KLHL41: variants seen among roughly 807,000 people sequenced by gnomAD.
The protein encoded by KLHL41 is kelch like family member 41, also known as kelch-like protein 41.
KLHL41 carries 31 observed loss-of-function variants against 49.2 expected under a neutral mutation model. That is an observed-to-expected ratio of 0.63 (90% CI 0.47 to 0.85). The LOEUF (loss-of-function observed/expected upper bound fraction) is 0.85, where lower values mean the gene tolerates loss of function less well. Among genes scored for constraint, KLHL41 ranks in the 40% least tolerant of loss-of-function variants. KLHL41 has a pLI of 0.00. For missense variants in KLHL41, 663 were observed against 726.7 expected, an observed-to-expected ratio of 0.91 and a Z score of 1.01; for synonymous variants, 218 against 258.5, an observed-to-expected ratio of 0.84 and a Z score of 1.50.
At position 169,520,152 on chromosome 2, in the gene KLHL41, C is replaced by CTGTGTGTGTG. The variant is rs59155387; in HGVS notation, c.1563-661_1563-652dup. Among the ~76,000 whole-genome samples, 32 of 105,034 alleles carry CTGTGTGTGTG rather than the reference C, an allele frequency of 3.0e-4. 1 individual carries two copies. Among genetic ancestry groups the CTGTGTGTGTG allele is most frequent in the African/African-American group, 8.3e-4 (21 of 25,236 alleles). 68.9% of individuals were successfully genotyped at this position (105,034 alleles called of 152,430 possible). A position where few individuals can be genotyped will look rare whatever the true frequency, so the allele number is the denominator to read the frequency against. ...TAGGGACATACCACCAGGCCTAGCT[C>CTGTGTGTGTG]TGTGTGTGTGTGTGTGTGTGTGTGT... On this transcript the variant is annotated intron_variant, in intron 4 of 5. Transcript: ENST00000284669.
At chr2:169,524,805 A>G (rs1191084477) in intron 5 of KLHL41, among the ~76,000 whole-genome samples, 4 of 151,342 alleles carry the variant, frequency 2.6e-5, no homozygotes, top group Admixed American at 6.6e-5. Flanking sequence ...TGGGGGGGGG[A>G]ATTAAAATGG....
At chr2:169,525,507 T>A in intron 5 of KLHL41, 78 bp from the exon 6 acceptor site, 4 of 863,426 alleles carry the variant, frequency 4.6e-6, no homozygotes, top group East Asian at 2.4e-5. Flanking sequence ...TTTTCAAAGA[T>A]CCACATTTGT....
intron 4 of KLHL41, 108 bp downstream of exon 4, chr2:169,518,483 C>T: frequency 1.4e-6 from 1 of 733,184 alleles, no homozygotes; most frequent in Non-Finnish European, 2.2e-6. Context: ...GGGGAGGGTA[C>T]AGAGCCACAG....
rs1010054292 is a variant in KLHL41, at chr2:169,526,154, G to A, written c.*458G>A. ...CTGTGCATTATACTAAGAATTACAT[G>A]CCATAAGATGACTTCAGAAATCCTA... is the stretch of plus-strand genomic sequence containing the variant. On this transcript the variant is annotated 3_prime_UTR_variant, in exon 6 of 6. Transcript: ENST00000284669. 1 of 152,022 alleles carries A rather than the reference G, an allele frequency of 6.6e-6. No individual in the cohort carries two copies. Among genetic ancestry groups the A allele is most frequent in the Non-Finnish European group, 1.5e-5 (1 of 68,092 alleles). 9.4% of individuals were successfully genotyped at this position (152,022 alleles called of 1,614,324 possible).
At chr2:169,520,029 T>TGGAA (rs1409910305) in intron 4 of KLHL41, among the ~76,000 whole-genome samples, 283 of 152,254 alleles carry the variant, frequency 1.9e-3, no homozygotes, top group Admixed American at 4.6e-3. Flanking sequence ...AGACAGGGTT[T>TGGAA]TGCTCTATCA....
At chr2:169,519,165 C>T (rs556583219) in intron 4 of KLHL41, among the ~76,000 whole-genome samples, 1 of 152,166 alleles carries the variant, frequency 6.6e-6, no homozygotes, top group East Asian at 1.9e-4. Context: ...CATTTTTAAG[C>T]TTTTATTGAC....
At chr2:169,516,915 G>A (rs1021375880) in intron 3 of KLHL41, among the ~76,000 whole-genome samples, 9 of 152,294 alleles carry the variant, frequency 5.9e-5, no homozygotes, top group South Asian at 2.1e-4. Flanking sequence ...CAGCTACTAG[G>A]GAGGCTGAGG....
chr2:169,522,549 A>T (rs555327584), intron 5 of KLHL41, among the ~76,000 whole-genome samples: 2 of 152,190 alleles, frequency 1.3e-5, no homozygotes, highest in East Asian at 3.9e-4. Flanking sequence ...GGTACCAAAT[A>T]TATAAATGGG....
At chr2:169,515,097 G>C (rs1252448876) in intron 3 of KLHL41, 136 bp downstream of exon 3, 1 of 529,670 alleles carries the variant, frequency 1.9e-6, no homozygotes, top group African/African-American at 2.1e-5. Context: ...GCAGTGGTGT[G>C]ATCTCGGCTC....
intron 5 of KLHL41, among the ~76,000 whole-genome samples, chr2:169,521,617 T>C (rs1442663718): frequency 2.0e-5 from 3 of 152,146 alleles, no homozygotes; most frequent in Non-Finnish European, 4.4e-5. Flanking sequence ...GGTCTCGAAC[T>C]CCTGACCTCA....
At chr2:169,516,036 A>T (rs1265356622) in intron 3 of KLHL41, among the ~76,000 whole-genome samples, 1 of 152,240 alleles carries the variant, frequency 6.6e-6, no homozygotes, top group Non-Finnish European at 1.5e-5. Context: ...CTTCAGAGAC[A>T]GTCAAACCAG....
intron 1 of KLHL41, among the ~76,000 whole-genome samples, chr2:169,512,869 T>C (rs1684049437): frequency 6.6e-6 from 1 of 151,946 alleles, no homozygotes; most frequent in Admixed American, 6.6e-5. Flanking sequence ...GTAAATAGAT[T>C]ATGAGAATTT....
intron 1 of KLHL41, among the ~76,000 whole-genome samples, chr2:169,512,910 C>T (rs1684050514): frequency 6.6e-6 from 1 of 152,072 alleles, no homozygotes; most frequent in Non-Finnish European, 1.5e-5. Context: ...TTTTTTCCCC[C>T]ACTCATTAAT....
At position 169,514,597 on chromosome 2, in the gene KLHL41, G is replaced by A; in HGVS notation, c.1134G>A (p.Trp378Ter). Residue 378 changes from tryptophan (W) to a stop codon, truncating the protein, a stop_gained, in exon 2 of 6, where the codon TGG becomes TGA. Transcript: ENST00000284669. LOFTEE classifies it high-confidence loss of function. Reference protein sequence around the residue: ...FFQLDSIASEWVGLPPLPSAR... With the variant: ...FFQLDSIASE The stretch of plus-strand genomic sequence containing the variant: ...AGCTCGATAGCATAGCATCTGAATG[G>A]GTTGGACTTCCACCTCTGCCTTCAG... 6.2e-7 allele frequency: 1 copy of A among 1,613,876 alleles called. No homozygotes were observed. The highest frequency in any genetic ancestry group is 8.5e-7 in the Non-Finnish European group (1 of 1,179,922).
intron 5 of KLHL41, among the ~76,000 whole-genome samples, 160 bp from the exon 6 acceptor site, chr2:169,525,425 A>G (rs1406958865): frequency 6.6e-6 from 1 of 152,252 alleles, no homozygotes; most frequent in Non-Finnish European, 1.5e-5. Flanking sequence ...CAGACAATGC[A>G]TATTTGGGAG....
intron 4 of KLHL41, 120 bp from the exon 5 acceptor site, chr2:169,520,741 C>T: frequency 1.3e-6 from 1 of 769,044 alleles, no homozygotes; most frequent in South Asian, 1.9e-5. Context: ...GCATGAGCCA[C>T]CGCGCCTGGC....
intron 5 of KLHL41, among the ~76,000 whole-genome samples, chr2:169,524,985 G>A (rs554256098): frequency 6.6e-6 from 1 of 152,246 alleles, no homozygotes; most frequent in South Asian, 2.1e-4. Context: ...AGCACACATC[G>A]TACAAGGGAA....
At chr2:169,522,158 A>G (rs1684212177) in intron 5 of KLHL41, among the ~76,000 whole-genome samples, 2 of 152,314 alleles carry the variant, frequency 1.3e-5, no homozygotes, top group Middle Eastern at 3.4e-3. Flanking sequence ...AAGGCATACC[A>G]CTAAGCCTGA....
intron 3 of KLHL41, among the ~76,000 whole-genome samples, chr2:169,515,187 C>T (rs1393055565): frequency 6.6e-6 from 1 of 152,012 alleles, no homozygotes. Context: ...GCATGCTCCA[C>T]CACGCCTGGC....
Sources: gnomAD v4.1 joint callset for allele counts (sites outside exome capture counted in the v4.1 genomes callset) on GRCh38, gnomAD v4.1.1 for gene constraint, MANE v1.5 for transcripts, NCBI Gene and HGNC (gene_info 2026-07-23, HGNC 2026-07-21) for gene names.